Variants in SAP30BP observed in about 807,000 individuals in gnomAD.
SAP30BP encodes SAP30 binding protein.
SAP30BP carries 31 observed loss-of-function variants against 46.3 expected under a neutral mutation model. That is an observed-to-expected ratio of 0.67 (90% CI 0.50 to 0.90). SAP30BP has a LOEUF of 0.90. SAP30BP is among the 40% of genes least tolerant of loss of function. The pLI is 0.00. For missense variants in SAP30BP, 312 were observed against 391.0 expected (o/e 0.80, Z 1.70); for synonymous variants, 169 against 144.2 (o/e 1.17, Z -1.23).
chr17:75,701,033 C>G (rs2060402259), intron 5 of SAP30BP, among the ~76,000 whole-genome samples: 1 of 152,158 alleles, frequency 6.6e-6, no homozygotes, highest in African/African-American at 2.4e-5. Context: ...CTGGAGGAGA[C>G]AGCTTGGAGG....
intron 1 of SAP30BP, chr17:75,668,207 C>G (rs1187968572): frequency 3.5e-6 from 1 of 287,764 alleles, no homozygotes; most frequent in African/African-American, 2.2e-5. Flanking sequence ...TGTGTGGTCT[C>G]TTCCAGTCAG....
Position 75,682,959 on chromosome 17 carries a change from C to G in SAP30BP, c.265-10481C>G, listed in dbSNP as rs1291673190. Among the ~76,000 whole-genome samples, 5 of 118,368 alleles carry G rather than the reference C, an allele frequency of 4.2e-5. No individual in the cohort carries two copies. In the East Asian group the frequency reaches 1.2e-3, roughly 29 times the overall value. 77.7% of individuals were successfully genotyped at this position (118,368 alleles called of 152,430 possible). A position where few individuals can be genotyped will look rare whatever the true frequency, so the allele number is the denominator to read the frequency against. On this transcript the variant is annotated intron_variant, in intron 3 of 10. Coordinates refer to ENST00000584667, the MANE Select transcript of SAP30BP (RefSeq NM_013260.8). Reference sequence around the variant, plus strand: ...GCCTGGTGACACGGTGAGACTTCGTCTCAAAAAAAAAAAAAAAAAAGAATT... The same window carrying G: ...GCCTGGTGACACGGTGAGACTTCGTGTCAAAAAAAAAAAAAAAAAAGAATT...
At chr17:75,700,039 C>G (rs2060383732) in intron 5 of SAP30BP, 168 bp downstream of exon 5, 3 of 524,870 alleles carry the variant, frequency 5.7e-6, no homozygotes, top group Admixed American at 3.2e-5. Context: ...TCCTGTTAGC[C>G]TCATCTCAGG....
chr17:75,699,265 G>T (rs553925761), intron 4 of SAP30BP, among the ~76,000 whole-genome samples: 4 of 152,070 alleles, frequency 2.6e-5, no homozygotes, highest in South Asian at 4.1e-4. Context: ...GTATAGTGGC[G>T]TGATCTTGGC....
At position 75,706,146 on chromosome 17, in the gene SAP30BP, C is replaced by G; in HGVS notation, c.745+54C>G. On this transcript the variant is annotated intron_variant, in intron 10 of 10. Coordinates refer to ENST00000584667, the MANE Select transcript of SAP30BP (RefSeq NM_013260.8). This position sits in a 1 kb window ranked among gnomAD's most constrained non-coding sequence, Gnocchi z 4.6. ...CCACACACATGGAGCCAGGGTCTCCCTGGCTTGTTTGGGCGACAGACAGCA... is the reference window on the plus strand; with the variant it reads ...CCACACACATGGAGCCAGGGTCTCCGTGGCTTGTTTGGGCGACAGACAGCA... 1 of 1,584,726 alleles carries G rather than the reference C, an allele frequency of 6.3e-7. No homozygotes were observed. Among genetic ancestry groups the G allele is most frequent in the Non-Finnish European group, 8.6e-7 (1 of 1,166,542 alleles).
At chr17:75,695,773 G>A (rs1157459526) in intron 4 of SAP30BP, among the ~76,000 whole-genome samples, 1 of 152,156 alleles carries the variant, frequency 6.6e-6, no homozygotes, top group Non-Finnish European at 1.5e-5. Flanking sequence ...AAGCAGGAGA[G>A]CAGAGAAGCC....
chr17:75,692,202 A>G (rs1435627029), intron 3 of SAP30BP: 1 of 985,508 alleles, frequency 1.0e-6, no homozygotes, highest in Non-Finnish European at 1.2e-6. Flanking sequence ...GACTTTCTGG[A>G]AAGGGGGCTA....
At chr17:75,690,565 C>T in intron 3 of SAP30BP, 1 of 406,172 alleles carries the variant, frequency 2.5e-6, no homozygotes, top group Non-Finnish European at 4.9e-6. Context: ...CAGTCAGGCC[C>T]ACCTCAGCCT....
chr17:75,673,626 A>G (rs1033349892), intron 3 of SAP30BP, among the ~76,000 whole-genome samples: 6 of 152,130 alleles, frequency 3.9e-5, no homozygotes, highest in African/African-American at 7.2e-5. Flanking sequence ...CTTAACGGTC[A>G]CCCCTTCTAA....
chr17:75,691,216 G>A (rs2060236991), intron 3 of SAP30BP, among the ~76,000 whole-genome samples: 1 of 152,084 alleles, frequency 6.6e-6, no homozygotes, highest in Non-Finnish European at 1.5e-5. Context: ...TACTAAGAGG[G>A]TAGAAAAGCA....
chr17:75,674,572 A>T (rs1272449175), intron 3 of SAP30BP, among the ~76,000 whole-genome samples: 1 of 152,118 alleles, frequency 6.6e-6, no homozygotes, highest in Non-Finnish European at 1.5e-5. Flanking sequence ...CTGGGATTAC[A>T]GGCATAAGCC....
At chr17:75,690,162 G>A (rs1286912801) in intron 3 of SAP30BP, among the ~76,000 whole-genome samples, 3 of 152,076 alleles carry the variant, frequency 2.0e-5, no homozygotes, top group African/African-American at 7.2e-5. Flanking sequence ...TTCATCACAT[G>A]TTTTTTCTGA....
At chr17:75,683,108 G>A (rs571447221) in intron 3 of SAP30BP, among the ~76,000 whole-genome samples, 3 of 147,098 alleles carry the variant, frequency 2.0e-5, no homozygotes, top group African/African-American at 7.4e-5. Context: ...GCAGTGGTGC[G>A]ATCTCAGCTC....
chr17:75,694,514 T>C (rs940697749), intron 4 of SAP30BP, among the ~76,000 whole-genome samples: 1 of 152,210 alleles, frequency 6.6e-6, no homozygotes, highest in Admixed American at 6.5e-5. Flanking sequence ...AAAACCAAGA[T>C]TTTCCTAAAA....
chr17:75,692,618 T>A (rs1351045684), intron 3 of SAP30BP: 1 of 572,858 alleles, frequency 1.7e-6, no homozygotes, highest in East Asian at 1.4e-4. Flanking sequence ...AGCATTGATT[T>A]TGGTTTAGAT....
intron 3 of SAP30BP, among the ~76,000 whole-genome samples, chr17:75,674,009 A>G (rs2059945394): frequency 6.6e-6 from 1 of 152,192 alleles, no homozygotes; most frequent in African/African-American, 2.4e-5. Flanking sequence ...TCCAACCCTC[A>G]AAGTCACTTG....
rs1475011559 is a variant in SAP30BP at position 75,706,172 on chromosome 17, C to T, written c.745+80C>T. The T allele has an allele frequency of 1.1e-5, 17 of 1,570,482 alleles. No individual in the cohort carries two copies. Among genetic ancestry groups the T allele is most frequent in the African/African-American group, 4.0e-5 (3 of 74,244 alleles). On this transcript the variant is annotated intron_variant, in intron 10 of 10. Coordinates refer to ENST00000584667, the MANE Select transcript of SAP30BP (RefSeq NM_013260.8). This position sits in a 1 kb window ranked among gnomAD's most constrained non-coding sequence, Gnocchi z 4.6. ...TGGCTTGTTTGGGCGACAGACAGCA[C>T]GTGGATCTGGGCCTGGGCTCAGCCT... is the stretch of plus-strand genomic sequence containing the variant.
rs549790751 is a variant in SAP30BP, at chr17:75,676,692, A to T, written c.264+4829A>T. 2.0e-5 allele frequency among the ~76,000 whole-genome samples: 3 copies of T among 152,372 alleles called. No homozygotes were observed. The East Asian group carries it at 5.8e-4, about 29-fold the overall frequency. ...GTAGTCCATCCTTTTCCGTGGCTTC[A>T]GTAACCTGAGGTCAGCTGCAGTCTG... On this transcript the variant is annotated intron_variant, in intron 3 of 10. Coordinates refer to ENST00000584667, the MANE Select transcript of SAP30BP (RefSeq NM_013260.8).
At chr17:75,705,684 C>T in intron 9 of SAP30BP, 1 of 1,143,830 alleles carries the variant, frequency 8.7e-7, no homozygotes, top group Non-Finnish European at 1.1e-6. Context: ...GGCACCGCCT[C>T]CTCCTGGGTG....
Sources: allele counts gnomAD v4.1 joint callset (sites outside exome capture counted in the v4.1 genomes callset), GRCh38; gene constraint gnomAD v4.1.1; non-coding constraint Gnocchi (gnomAD v3.1); transcripts MANE v1.5; gene names NCBI Gene and HGNC (gene_info 2026-07-23, HGNC 2026-07-21).